Variants in NRXN2 observed in about 807,000 individuals in gnomAD.
NRXN2 encodes neurexin 2, also known as neurexin-2-beta.
A neutral mutation model predicts 128.8 loss-of-function variants in NRXN2; 29 were observed. That is an observed-to-expected ratio of 0.23 (90% CI 0.17 to 0.31). The LOEUF (loss-of-function observed/expected upper bound fraction) is 0.31. Among genes scored for constraint, NRXN2 ranks in the 10% least tolerant of loss-of-function variants. The pLI, the probability that NRXN2 is intolerant of heterozygous loss-of-function variation, is 1.00. For synonymous variants in NRXN2, 1,098 were observed against 1,075.2 expected (o/e 1.02, Z -0.41); for missense variants, 1,881 against 2,452.6 (o/e 0.77, Z 4.92).
Position 64,618,433 on chromosome 11 carries a change from C to T in NRXN2, c.4252+1861G>A, listed in dbSNP as rs138215584. Among the ~76,000 whole-genome samples the T allele has an allele frequency of 3.5e-4, 54 of 152,340 alleles. 1 individual carries two copies. Among genetic ancestry groups the T allele is most frequent in the Non-Finnish European group, 5.3e-4 (36 of 68,024 alleles). On this transcript the variant is annotated intron_variant, in intron 22 of 22. Coordinates refer to ENST00000265459, the MANE Select transcript of NRXN2 (RefSeq NM_015080.4). ...CTGTGTGTAAACACATGTGGTGCCA[C>T]TCAGTGCCCTTTCTTCAGGACCCTC...
rs774855693 is a variant in NRXN2 at position 64,607,817 on chromosome 11, G to T, written c.4518C>A (p.Pro1506=). ...TGTAAAAGTCCTCGTCGTCCGTGGGGGGGAGGCTGGAGTCAAAGACCTCCC... is the reference window on the plus strand; with the variant it reads ...TGTAAAAGTCCTCGTCGTCCGTGGGTGGGAGGCTGGAGTCAAAGACCTCCC... ...ASGEVFDSSL[P]PTDDEDFYTT... is the part of the protein sequence containing the mutation. Residue 1506 remains proline, a synonymous_variant, in exon 23 of 23, where the codon CCC becomes CCA. Coordinates refer to ENST00000265459, the MANE Select transcript of NRXN2 (RefSeq NM_015080.4). 7 of 1,601,988 alleles carry T rather than the reference G, an allele frequency of 4.4e-6. No homozygotes were observed. Among genetic ancestry groups the T allele is most frequent in the Non-Finnish European group, 5.1e-6 (6 of 1,174,856 alleles).
In NRXN2 at chr11:64,630,714, G is replaced by C; in HGVS notation, c.3586-141C>G. 1.0e-6 allele frequency: 1 copy of C among 953,776 alleles called. No individual in the cohort carries two copies. Among genetic ancestry groups the C allele is most frequent in the Non-Finnish European group, 1.6e-6 (1 of 621,380 alleles). 59.1% of individuals were successfully genotyped at this position (953,776 alleles called of 1,614,324 possible). A position where few individuals can be genotyped will look rare whatever the true frequency, so the allele number is the denominator to read the frequency against. ...AGGTCTCAACCGCTGGAGGAGGTGG[G>C]CAGGCTCGCTCCCCTTCCCCACATG... is the stretch of plus-strand genomic sequence containing the variant. On this transcript the variant is annotated intron_variant, in intron 18 of 22. Transcript: ENST00000265459. This position sits in a 1 kb window ranked among gnomAD's most constrained non-coding sequence, Gnocchi z 4.6.
At position 64,635,700 on chromosome 11, in the gene NRXN2, C is replaced by A. The variant is rs1296055255; in HGVS notation, c.3404-248G>T. Among the ~76,000 whole-genome samples, 2 of 152,048 alleles carry A rather than the reference C, an allele frequency of 1.3e-5. No individual in the cohort carries two copies. Among genetic ancestry groups the A allele is most frequent in the Non-Finnish European group, 2.9e-5 (2 of 68,020 alleles). ...TCAAGAATGCTAGCTTTAATTACAGCAAAATAGAGAGGTAATAGAGTGACA... is the reference window on the plus strand; with the variant it reads ...TCAAGAATGCTAGCTTTAATTACAGAAAAATAGAGAGGTAATAGAGTGACA... On this transcript the variant is annotated intron_variant, in intron 17 of 22. Coordinates refer to ENST00000265459, the MANE Select transcript of NRXN2 (RefSeq NM_015080.4). The surrounding 1 kb of genome is among the most constrained non-coding windows in gnomAD (Gnocchi z 4.8).
chr11:64,610,331 C>T (rs1465420217), intron 22 of NRXN2, among the ~76,000 whole-genome samples: 2 of 152,218 alleles, frequency 1.3e-5, no homozygotes, highest in Admixed American at 1.3e-4. Flanking sequence ...GATCCCAGCT[C>T]GTTATGGATA....
chr11:64,648,973 G>T lies in NRXN2; in HGVS notation c.3110-66C>A. On this transcript the variant is annotated intron_variant, in intron 15 of 22. Transcript: ENST00000265459. The surrounding 1 kb of genome is among the most constrained non-coding windows in gnomAD (Gnocchi z 4.1). ...TTCCCATCCCAAGACAATGGCATCT[G>T]GCTGTCAGGTCCTCCCAGCCTTCTC... 1 of 1,542,040 alleles carries T rather than the reference G, an allele frequency of 6.5e-7. No homozygotes were observed. The highest frequency in any genetic ancestry group is 9.0e-7 in the Non-Finnish European group (1 of 1,116,132).
At chr11:64,709,772 C>T (rs1481038860) in intron 2 of NRXN2, among the ~76,000 whole-genome samples, 1 of 152,032 alleles carries the variant, frequency 6.6e-6, no homozygotes, top group African/African-American at 2.4e-5. Context: ...AAAGACACAA[C>T]CCTCCCCCTT....
intron 4 of NRXN2, among the ~76,000 whole-genome samples, chr11:64,690,989 G>A (rs981930579): frequency 6.6e-6 from 1 of 152,142 alleles, no homozygotes; most frequent in South Asian, 2.1e-4. Flanking sequence ...AACTTCTCCA[G>A]ATTTATATCC....
chr11:64,704,902 G>C (rs944344990), intron 2 of NRXN2, among the ~76,000 whole-genome samples: 4 of 152,222 alleles, frequency 2.6e-5, no homozygotes, highest in African/African-American at 9.7e-5. Flanking sequence ...TAGGGAGGCA[G>C]AGAGGTGTGT....
At position 64,632,236 on chromosome 11, in the gene NRXN2, G is replaced by A. The variant is rs2044019492; in HGVS notation, c.3586-1663C>T. 1.3e-5 allele frequency among the ~76,000 whole-genome samples: 2 copies of A among 152,182 alleles called. No homozygotes were observed. Among genetic ancestry groups the A allele is most frequent in the South Asian group, 4.1e-4 (2 of 4,828 alleles). ...GTGGGGTCCAGTTGTCTCCTTCTCAGAACCTGGGAAAACCACATACATATA... is the reference window on the plus strand; with the variant it reads ...GTGGGGTCCAGTTGTCTCCTTCTCAAAACCTGGGAAAACCACATACATATA... On this transcript the variant is annotated intron_variant, in intron 18 of 22. Transcript: ENST00000265459. This position sits in a 1 kb window ranked among gnomAD's most constrained non-coding sequence, Gnocchi z 4.2.
chr11:64,694,191 C>T (rs1027100967), intron 3 of NRXN2, among the ~76,000 whole-genome samples: 6 of 152,164 alleles, frequency 3.9e-5, no homozygotes, highest in African/African-American at 7.2e-5. Flanking sequence ...ACCTCAGAGC[C>T]CCCCCAGCCC....
chr11:64,665,020 C>T lies in NRXN2; in HGVS notation c.1798+2230G>A, dbSNP rs574367492. 5.3e-5 allele frequency among the ~76,000 whole-genome samples: 8 copies of T among 150,086 alleles called. No individual in the cohort carries two copies. The East Asian group carries it at 5.9e-4, about 11-fold the overall frequency. On this transcript the variant is annotated intron_variant, in intron 9 of 22. Transcript: ENST00000265459. Reference sequence around the variant, plus strand: ...AAAAAAGGCCGGGCGCGGTGGCTCACGCCTGTAATCCCAACACTTTGGGAG... The same window carrying T: ...AAAAAAGGCCGGGCGCGGTGGCTCATGCCTGTAATCCCAACACTTTGGGAG...
intron 11 of NRXN2, chr11:64,659,811 C>CA (rs2048765222): frequency 4.8e-6 from 1 of 207,408 alleles, no homozygotes; most frequent in Non-Finnish European, 9.9e-6. Context: ...TACACACATG[C>CA]ACCTCCACAC....
chr11:64,648,745 C>G lies in NRXN2; in HGVS notation c.3272G>C (p.Arg1091Thr). Reference sequence around the variant, plus strand: ...CACCCTCCACTCACCATCACAGCCCCTCTCCACCTGCCCAATGCGGTGCAG... The same window carrying G: ...CACCCTCCACTCACCATCACAGCCCGTCTCCACCTGCCCAATGCGGTGCAG... ...DALHRIGQVERGCDGPSTTCT... is the reference protein window; with the variant it reads ...DALHRIGQVETGCDGPSTTCT... Residue 1091 changes from arginine to threonine, a missense_variant, in exon 16 of 23, where the codon AGG becomes ACG. This residue lies in a region of NRXN2 where 390 missense variants were observed against 599.6 expected (regional missense o/e 0.65). Transcript: ENST00000265459. The surrounding 1 kb of genome is among the most constrained non-coding windows in gnomAD (Gnocchi z 4.1). 2 of 1,613,928 alleles carry G rather than the reference C, an allele frequency of 1.2e-6. No individual in the cohort carries two copies. The highest frequency in any genetic ancestry group is 1.7e-6 in the Non-Finnish European group (2 of 1,180,008).
At chr11:64,719,074 C>T (rs1301435230) in intron 1 of NRXN2, among the ~76,000 whole-genome samples, 1 of 152,150 alleles carries the variant, frequency 6.6e-6, no homozygotes, top group Non-Finnish European at 1.5e-5. Context: ...CATAAAGCTC[C>T]TAGTACACTG....
intron 7 of NRXN2, 82 bp downstream of exon 7, chr11:64,676,911 A>G (rs2135538918): frequency 8.8e-7 from 1 of 1,135,130 alleles, no homozygotes; most frequent in Non-Finnish European, 1.3e-6. Context: ...CCAAACAGGG[A>G]GAGGAAACAA....
At position 64,660,356 on chromosome 11, in the gene NRXN2, G is replaced by GC; in HGVS notation, c.2364dup (p.Gln789AlafsTer19). 1 of 1,613,898 alleles carries GC rather than the reference G, an allele frequency of 6.2e-7. No homozygotes were observed. The highest frequency in any genetic ancestry group is 8.5e-7 in the Non-Finnish European group (1 of 1,180,010). On this transcript the variant is annotated frameshift_variant, in exon 11 of 23. Coordinates refer to ENST00000265459, the MANE Select transcript of NRXN2 (RefSeq NM_015080.4). LOFTEE classifies it high-confidence loss of function. The surrounding 1 kb of genome is among the most constrained non-coding windows in gnomAD (Gnocchi z 5.2). ...CCGAGGTTGACAGTGAGCTTCATCT[G>GC]CCCCCCATCCAGCTCCAGGCGTAGG... is the stretch of plus-strand genomic sequence containing the variant.
chr11:64,676,723 T>G, intron 7 of NRXN2: 1 of 548,152 alleles, frequency 1.8e-6, no homozygotes, highest in Non-Finnish European at 3.2e-6. Context: ...GGAATCTGAA[T>G]TCAGGAGTTA....
At chr11:64,707,233 A>G (rs2056429121) in intron 2 of NRXN2, among the ~76,000 whole-genome samples, 1 of 152,082 alleles carries the variant, frequency 6.6e-6, no homozygotes, top group Non-Finnish European at 1.5e-5. Flanking sequence ...TCTACTAAAA[A>G]TACATTAGCC....
chr11:64,634,501 G>A (rs534415703), intron 18 of NRXN2, among the ~76,000 whole-genome samples: 3 of 152,268 alleles, frequency 2.0e-5, no homozygotes, highest in South Asian at 2.1e-4. Context: ...TCAAGGAGCT[G>A]CAGATATGGT....
Sources: allele counts gnomAD v4.1 joint callset (sites outside exome capture counted in the v4.1 genomes callset), GRCh38; gene constraint gnomAD v4.1.1; regional missense constraint gnomAD v4.1.1; non-coding constraint Gnocchi (gnomAD v3.1); transcripts MANE v1.5; gene names NCBI Gene and HGNC (gene_info 2026-07-23, HGNC 2026-07-21).